Variants in AKAP6 observed in about 807,000 individuals in gnomAD.
The protein encoded by AKAP6 is A-kinase anchor protein 6.
Under a neutral mutation model 188.5 loss-of-function variants are expected in AKAP6, and 58 were observed. The ratio of observed to expected loss-of-function variants is 0.31; its 90% confidence interval spans 0.25 to 0.38. The LOEUF is 0.38. AKAP6 is among the 10% of genes least tolerant of loss of function. The probability of loss-of-function intolerance (pLI) is 1.00; values close to 1 mark genes in which losing one functional copy is unlikely to be tolerated. For missense variants in AKAP6, 2,710 were observed against 2,740.0 expected, an observed-to-expected ratio of 0.99 and a Z score of 0.24; for synonymous variants, 989 against 998.6, an observed-to-expected ratio of 0.99 and a Z score of 0.18.
chr14:32,550,382 G>A (rs779016698), intron 4 of AKAP6, among the ~76,000 whole-genome samples: 10 of 152,324 alleles, frequency 6.6e-5, no homozygotes, highest in Non-Finnish European at 1.5e-4. Context: ...ACTGGAGTTG[G>A]GATATGAGGG....
At chr14:32,404,203 T>C (rs2145588) in intron 1 of AKAP6, among the ~76,000 whole-genome samples, 2,856 of 152,206 alleles carry the variant, frequency 0.019, 40 homozygotes, top group Non-Finnish European at 0.027. Context: ...AAGGAAAAAA[T>C]GAAATGCAAA....
At chr14:32,409,389 A>T (rs1261663341) in intron 1 of AKAP6, among the ~76,000 whole-genome samples, 1 of 152,214 alleles carries the variant, frequency 6.6e-6, no homozygotes, top group Non-Finnish European at 1.5e-5. Flanking sequence ...ACTGAAACAG[A>T]TGAGTTAGAG....
Position 32,545,287 on chromosome 14 carries a change from T to C in AKAP6, c.634T>C (p.Ser212Pro). Reference sequence around the variant, plus strand: ...CTCAGGACAATTAACCATCAAATGTTCTCAAAATTACTTGTCTCTGGATTG... The same window carrying C: ...CTCAGGACAATTAACCATCAAATGTCCTCAAAATTACTTGTCTCTGGATTG... Reference protein sequence around the residue: ...DDSGQLTIKCSQNYLSLDCGI... With the variant: ...DDSGQLTIKCPQNYLSLDCGI... Residue 212 changes from serine (S) to proline (P), a missense_variant, in exon 4 of 14, where the codon TCT becomes CCT. Around this residue, in one of 2 missense-constraint regions of AKAP6, gnomAD observed 237 missense variants for 313.9 expected, o/e 0.76. Coordinates refer to ENST00000280979, the MANE Select transcript of AKAP6 (RefSeq NM_004274.5). 6.2e-7 allele frequency: 1 copy of C among 1,614,150 alleles called. No individual in the cohort carries two copies. The highest frequency in any genetic ancestry group is 1.3e-5 in the African/African-American group (1 of 75,034).
intron 12 of AKAP6, among the ~76,000 whole-genome samples, chr14:32,785,795 G>A (rs182105772): frequency 6.6e-6 from 1 of 152,026 alleles, no homozygotes; most frequent in Non-Finnish European, 1.5e-5. Flanking sequence ...CCATATAAAC[G>A]AATGCTATAC....
chr14:32,720,005 T>C (rs1224949747), intron 9 of AKAP6, among the ~76,000 whole-genome samples: 1 of 152,194 alleles, frequency 6.6e-6, no homozygotes, highest in Non-Finnish European at 1.5e-5. Context: ...TACACATCCA[T>C]AGTTCAGGCT....
intron 7 of AKAP6, among the ~76,000 whole-genome samples, chr14:32,612,823 C>T (rs1956223): frequency 0.19 from 29,238 of 152,024 alleles, 3,059 homozygotes; most frequent in Admixed American, 0.27. Flanking sequence ...GACTTGGTAG[C>T]TGACCAGCAC....
At chr14:32,710,748 T>A (rs893686570) in intron 9 of AKAP6, among the ~76,000 whole-genome samples, 23 of 152,188 alleles carry the variant, frequency 1.5e-4, no homozygotes, top group African/African-American at 5.1e-4. Flanking sequence ...CTTGAAAGAT[T>A]GTTGTTAGGA....
At chr14:32,731,048 A>G (rs1438428523) in intron 9 of AKAP6, among the ~76,000 whole-genome samples, 1 of 152,156 alleles carries the variant, frequency 6.6e-6, no homozygotes, top group Non-Finnish European at 1.5e-5. Context: ...ATATTCATGT[A>G]ATTTTGGATA....
intron 9 of AKAP6, among the ~76,000 whole-genome samples, chr14:32,731,268 G>A (rs879674533): frequency 3.9e-5 from 6 of 152,210 alleles, no homozygotes; most frequent in African/African-American, 7.2e-5. Context: ...TCTATTAACC[G>A]AAACAGTGAT....
Position 32,519,716 on chromosome 14 carries a change from A to G in AKAP6, c.325-15838A>G, listed in dbSNP as rs189513393. On this transcript the variant is annotated intron_variant, in intron 2 of 13. Coordinates refer to ENST00000280979, the MANE Select transcript of AKAP6 (RefSeq NM_004274.5). ...TAAAGCAAGTCCTTAGAGACCTACA[A>G]AGAGACTTAGACTCCCACATAATAA... is the stretch of plus-strand genomic sequence containing the variant. Among the ~76,000 whole-genome samples the G allele has an allele frequency of 6.6e-5, 10 of 152,294 alleles. No homozygotes were observed. In the East Asian group the frequency reaches 1.7e-3, roughly 26 times the overall value.
intron 2 of AKAP6, among the ~76,000 whole-genome samples, chr14:32,483,055 T>C (rs1957034): frequency 0.62 from 94,353 of 151,052 alleles, 30,751 homozygotes; most frequent in East Asian, 0.86. Context: ...CCAAATTGTT[T>C]TCTGTAATCT....
intron 12 of AKAP6, among the ~76,000 whole-genome samples, chr14:32,817,773 C>T (rs181958480): frequency 1.8e-3 from 278 of 152,176 alleles, no homozygotes; most frequent in African/African-American, 6.3e-3. Flanking sequence ...TACCAAATAG[C>T]TCCTCTGGGA....
chr14:32,556,044 C>A (rs1001375629), intron 4 of AKAP6, among the ~76,000 whole-genome samples: 49 of 151,576 alleles, frequency 3.2e-4, no homozygotes, highest in African/African-American at 1.1e-3. Context: ...AAAGTAGTTA[C>A]ACCATTTTAC....
chr14:32,773,151 G>A (rs1008135737), intron 11 of AKAP6, among the ~76,000 whole-genome samples: 8 of 151,642 alleles, frequency 5.3e-5, no homozygotes, highest in Admixed American at 3.9e-4. Context: ...TTTGGAAGAG[G>A]AATATTGCTT....
chr14:32,682,994 C>CTTTTTTTTTTTTTTTTTTT (rs1889750236), intron 8 of AKAP6, among the ~76,000 whole-genome samples: 1 of 102,890 alleles, frequency 9.7e-6, no homozygotes. Context: ...CTTTTTTCTT[C>CTTTTTTTTTTTTTTTTTTT]CTTTTTTTTT....
At chr14:32,498,360 A>G (rs990801501) in intron 2 of AKAP6, among the ~76,000 whole-genome samples, 1 of 152,096 alleles carries the variant, frequency 6.6e-6, no homozygotes, top group African/African-American at 2.4e-5. Context: ...CCAGTCATTC[A>G]TATGAAACTC....
rs2034791731 is a variant in AKAP6 at position 32,830,157 on chromosome 14, T to C, written c.*352T>C. The C allele has an allele frequency of 1.8e-6, 1 of 549,318 alleles. No homozygotes were observed. The highest frequency in any genetic ancestry group is 3.2e-6 in the Non-Finnish European group (1 of 310,632). 34.0% of individuals were successfully genotyped at this position (549,318 alleles called of 1,614,324 possible). ...CTCCCTTCCCTTCCACTCTTTAAAG[T>C]TCTGCAGTTCACCAACTGGTAGTCC... On this transcript the variant is annotated 3_prime_UTR_variant, in exon 14 of 14. Coordinates refer to ENST00000280979, the MANE Select transcript of AKAP6 (RefSeq NM_004274.5).
intron 9 of AKAP6, among the ~76,000 whole-genome samples, chr14:32,704,682 T>C (rs1890741459): frequency 6.6e-6 from 1 of 152,156 alleles, no homozygotes; most frequent in Non-Finnish European, 1.5e-5. Flanking sequence ...TTATTTATTT[T>C]GTTTAAAAAA....
At chr14:32,589,839 A>G (rs1039427181) in intron 5 of AKAP6, among the ~76,000 whole-genome samples, 6 of 152,208 alleles carry the variant, frequency 3.9e-5, no homozygotes, top group Admixed American at 3.9e-4. Flanking sequence ...AAAAGTTTAC[A>G]GACAAGCCTC....
Sources: gnomAD v4.1 joint callset for allele counts (sites outside exome capture counted in the v4.1 genomes callset) on GRCh38, gnomAD v4.1.1 for gene constraint, gnomAD v4.1.1 regional missense constraint, MANE v1.5 for transcripts, NCBI Gene and HGNC (gene_info 2026-07-23, HGNC 2026-07-21) for gene names.